Variants in SLC12A1 observed in about 807,000 individuals in gnomAD.
The protein encoded by SLC12A1 is solute carrier family 12 member 1, also known as Na-K-2Cl cotransporter.
In SLC12A1, 89 loss-of-function variants were observed where a neutral mutation model predicts 130.4. That is an observed-to-expected ratio of 0.68 (90% CI 0.58 to 0.81). The LOEUF (loss-of-function observed/expected upper bound fraction) is 0.81. SLC12A1 is among the 40% of genes least tolerant of loss of function. The pLI, the probability that SLC12A1 is intolerant of heterozygous loss-of-function variation, is 0.00. For missense variants in SLC12A1, 1,310 were observed against 1,336.4 expected (o/e 0.98, Z 0.31); for synonymous variants, 499 against 460.0 (o/e 1.08, Z -1.09).
At chr15:48,238,475 A>G (rs185641967) in intron 9 of SLC12A1, among the ~76,000 whole-genome samples, 1 of 152,258 alleles carries the variant, frequency 6.6e-6, no homozygotes, top group Non-Finnish European at 1.5e-5. Flanking sequence ...GTCCATGAAG[A>G]AAAAAGAGAC....
At chr15:48,220,131 G>GCAGA (rs749598144) in intron 2 of SLC12A1, among the ~76,000 whole-genome samples, 1 of 105,738 alleles carries the variant, frequency 9.5e-6, no homozygotes, top group Non-Finnish European at 2.0e-5. Context: ...AAAAAAAAAG[G>GCAGA]TAGATAGATA....
chr15:48,230,664 G>A (rs1000942083), intron 7 of SLC12A1, among the ~76,000 whole-genome samples, 161 bp downstream of exon 7: 1 of 152,220 alleles, frequency 6.6e-6, no homozygotes, highest in Non-Finnish European at 1.5e-5. Flanking sequence ...TGCAAAGCAC[G>A]AAGCCCAGGC....
In SLC12A1 at chr15:48,229,476, T is replaced by C. The variant is rs2041342161; in HGVS notation, c.864+148T>C. On this transcript the variant is annotated intron_variant, in intron 6 of 26. Transcript: ENST00000380993. The stretch of plus-strand genomic sequence containing the variant: ...AGCCTGGGCTTGGCATCAGAAGATC[T>C]GGCTTTGAGTCCAGGTTCTCGCACT... The C allele has an allele frequency of 4.0e-6, 3 of 754,720 alleles. No individual in the cohort carries two copies. The East Asian group carries it at 8.2e-5, about 21-fold the overall frequency. The allele number at this position is 754,720 out of a possible 1,614,324, so 46.8% of individuals were successfully genotyped here. A position where few individuals can be genotyped will look rare whatever the true frequency, so the allele number is the denominator to read the frequency against.
intron 23 of SLC12A1, among the ~76,000 whole-genome samples, 197 bp downstream of exon 23, chr15:48,288,713 C>G (rs1345548167): frequency 6.6e-6 from 1 of 152,172 alleles, no homozygotes; most frequent in Non-Finnish European, 1.5e-5. Flanking sequence ...CAAGCAAGTC[C>G]TCTTATCCTC....
chr15:48,252,847 C>T (rs1162614937), intron 15 of SLC12A1, among the ~76,000 whole-genome samples: 1 of 152,126 alleles, frequency 6.6e-6, no homozygotes, highest in Non-Finnish European at 1.5e-5. Context: ...GCCTTCAACA[C>T]ACAGAAAGTT....
chr15:48,287,391 G>GA (rs1449912345), intron 21 of SLC12A1, among the ~76,000 whole-genome samples: 4 of 150,366 alleles, frequency 2.7e-5, no homozygotes, highest in Non-Finnish European at 5.9e-5. Context: ...AATTCACAAA[G>GA]ATTCAAATAG....
chr15:48,259,123 T>A, intron 16 of SLC12A1, 77 bp from the exon 17 acceptor site: 2 of 941,846 alleles, frequency 2.1e-6, no homozygotes, highest in Non-Finnish European at 3.5e-6. Context: ...CCTCTGTACC[T>A]GTCATCCCAC....
At chr15:48,271,483 C>T (rs749302583) in intron 19 of SLC12A1, among the ~76,000 whole-genome samples, 4 of 151,402 alleles carry the variant, frequency 2.6e-5, no homozygotes, top group Non-Finnish European at 4.4e-5. Flanking sequence ...CAGGCTATTT[C>T]TTCTACCCCT....
rs556027166 is a variant in SLC12A1 at position 48,252,430 on chromosome 15, A to G, written c.1942+660A>G. 1.8e-4 allele frequency among the ~76,000 whole-genome samples: 27 copies of G among 152,324 alleles called. 1 individual carries two copies. Among genetic ancestry groups the G allele is most frequent in the Non-Finnish European group, 2.8e-4 (19 of 68,026 alleles). On this transcript the variant is annotated intron_variant, in intron 15 of 26. Transcript: ENST00000380993. Reference sequence around the variant, plus strand: ...AAACCAACCTGACAAGCTTTCCATTACATCACTTTCTGTTTCTGATGTCCT... The same window carrying G: ...AAACCAACCTGACAAGCTTTCCATTGCATCACTTTCTGTTTCTGATGTCCT...
At chr15:48,252,901 T>C (rs768746920) in intron 15 of SLC12A1, among the ~76,000 whole-genome samples, 1 of 151,932 alleles carries the variant, frequency 6.6e-6, no homozygotes, top group African/African-American at 2.4e-5. Flanking sequence ...CCTGGAAGAG[T>C]TGGTGGGGGC....
intron 22 of SLC12A1, 22 bp from the exon 23 acceptor site, chr15:48,288,383 C>T (rs747687472): frequency 6.3e-6 from 8 of 1,277,130 alleles, no homozygotes; most frequent in Non-Finnish European, 8.9e-6. Flanking sequence ...CTCATTGTGT[C>T]ATAATTTATT....
rs534807801 is a variant in SLC12A1 at position 48,247,200 on chromosome 15, T to C, written c.1561-137T>C. 145 of 956,830 alleles carry C rather than the reference T, an allele frequency of 1.5e-4. 1 individual carries two copies. The Admixed American group carries it at 2.9e-3, about 19-fold the overall frequency. The allele number at this position is 956,830 out of a possible 1,614,324, so 59.3% of individuals were successfully genotyped here. Reference sequence around the variant, plus strand: ...AGATCGATTCAAATAATATAAAGAATGATAAACTGCAGTGTTAACTTGTGC... The same window carrying C: ...AGATCGATTCAAATAATATAAAGAACGATAAACTGCAGTGTTAACTTGTGC... On this transcript the variant is annotated intron_variant, in intron 12 of 26. Coordinates refer to ENST00000380993, the MANE Select transcript of SLC12A1 (RefSeq NM_000338.3).
intron 2 of SLC12A1, among the ~76,000 whole-genome samples, chr15:48,212,430 G>A (rs2041063692): frequency 6.6e-6 from 1 of 151,924 alleles, no homozygotes; most frequent in Non-Finnish European, 1.5e-5. Context: ...ACATTGTTCT[G>A]CACTCTGCAG....
At chr15:48,229,135 G>C in intron 5 of SLC12A1, 54 bp from the exon 6 acceptor site, 3 of 1,525,786 alleles carry the variant, frequency 2.0e-6, no homozygotes, top group Non-Finnish European at 2.7e-6. Flanking sequence ...ACAATCGTTT[G>C]GTTATATAAA....
intron 15 of SLC12A1, among the ~76,000 whole-genome samples, chr15:48,254,388 A>G (rs2041679892): frequency 6.6e-6 from 1 of 152,004 alleles, no homozygotes; most frequent in Admixed American, 6.6e-5. Context: ...AGCCTAAGGT[A>G]TGCTTAATGC....
At chr15:48,227,178 A>T in intron 5 of SLC12A1, 1 of 1,535,936 alleles carries the variant, frequency 6.5e-7, no homozygotes, top group Non-Finnish European at 8.8e-7. Context: ...AGAGGAGGTA[A>T]GCCAATTAAT....
At chr15:48,275,286 G>C (rs980200789) in intron 20 of SLC12A1, among the ~76,000 whole-genome samples, 2 of 152,092 alleles carry the variant, frequency 1.3e-5, no homozygotes, top group African/African-American at 4.8e-5. Context: ...CTTCCGCTGA[G>C]CTTCACGACA....
At chr15:48,255,565 G>A (rs1597432640) in intron 15 of SLC12A1, among the ~76,000 whole-genome samples, 2 of 152,178 alleles carry the variant, frequency 1.3e-5, no homozygotes, top group East Asian at 3.8e-4. Flanking sequence ...AGATTTCTAG[G>A]ACTGCAGTTG....
chr15:48,277,347 C>A (rs1214754406), intron 20 of SLC12A1, among the ~76,000 whole-genome samples: 1 of 151,996 alleles, frequency 6.6e-6, no homozygotes, highest in African/African-American at 2.4e-5. Context: ...AAAACCACTT[C>A]ATCTAAAATT....
Sources: allele counts gnomAD v4.1 joint callset (sites outside exome capture counted in the v4.1 genomes callset), GRCh38; gene constraint gnomAD v4.1.1; transcripts MANE v1.5; gene names NCBI Gene and HGNC (gene_info 2026-07-23, HGNC 2026-07-21).